The following DDX60 variants were observed in gnomAD, a reference collection of about 807,000 sequenced individuals.
The protein encoded by DDX60 is DExD/H-box helicase 60.
DDX60 carries 165 observed loss-of-function variants against 212.8 expected under a neutral mutation model. The observed-to-expected ratio is 0.78, with a 90% CI of 0.68 to 0.88. DDX60 has a LOEUF of 0.88. Among genes scored for constraint, DDX60 ranks in the 40% least tolerant of loss-of-function variants. The probability of loss-of-function intolerance (pLI) is 0.00; values close to 1 mark genes in which losing one functional copy is unlikely to be tolerated. For missense variants in DDX60, 1,905 were observed against 2,003.9 expected (o/e 0.95, Z 0.94); for synonymous variants, 703 against 685.3 (o/e 1.03, Z -0.40).
chr4:168,289,620 G>C (rs1350296130), intron 8 of DDX60, among the ~76,000 whole-genome samples: 4 of 152,070 alleles, frequency 2.6e-5, no homozygotes, highest in Middle Eastern at 3.4e-3. Context: ...TTGTTTACTA[G>C]ATATCTCCAT....
rs1030388809 is a variant in DDX60 at position 168,225,608 on chromosome 4, C to T, written c.4602G>A (p.Glu1534=). 3 of 1,611,296 alleles carry T rather than the reference C, an allele frequency of 1.9e-6. No individual in the cohort carries two copies. The highest frequency in any genetic ancestry group is 2.7e-5 in the African/African-American group (2 of 74,738). Residue 1534 remains glutamate (E), a synonymous_variant, in exon 34 of 38, where the codon GAG becomes GAA. Coordinates refer to ENST00000393743, the MANE Select transcript of DDX60 (RefSeq NM_017631.6). ...CAATTCGTAGGAAAGTGGTAAAGTCCTCCATAATTTTCATGTTATATTCAT... is the reference window on the plus strand; with the variant it reads ...CAATTCGTAGGAAAGTGGTAAAGTCTTCCATAATTTTCATGTTATATTCAT... ...ALDEYNMKIM[E]DFTTFLRIVS... is the part of the protein sequence containing the mutation.
chr4:168,277,200 T>C (rs1172479693), intron 14 of DDX60, among the ~76,000 whole-genome samples: 1 of 152,194 alleles, frequency 6.6e-6, no homozygotes, highest in Non-Finnish European at 1.5e-5. Flanking sequence ...CTATGGAAAT[T>C]ATAAAGTAGA....
chr4:168,277,540 T>C (rs555802254), intron 14 of DDX60, among the ~76,000 whole-genome samples: 1 of 152,228 alleles, frequency 6.6e-6, no homozygotes, highest in East Asian at 1.9e-4. Context: ...TTCAAAACTA[T>C]TAAATGAAAA....
chr4:168,273,283 C>G lies in DDX60; in HGVS notation c.2570G>C (p.Cys857Ser). The G allele has an allele frequency of 6.2e-7, 1 of 1,612,430 alleles. No homozygotes were observed. The highest frequency in any genetic ancestry group is 8.5e-7 in the Non-Finnish European group (1 of 1,179,216). ...TTATTAATTAAAATACCCTACCTGA[C>G]AGTTTAAGGCATCATGACGATACTC... The part of the protein sequence containing the change: ...TREYRHDALN[C>S]QVLITVPACF... The change falls in exon 18 of 38, where the codon TGT becomes TCT. Residue 857 changes from cysteine to serine, a missense_variant. By Grantham distance (112) the Cys-to-Ser change is moderately radical (BLOSUM62 -1). Transcript: ENST00000393743.
intron 37 of DDX60, among the ~76,000 whole-genome samples, chr4:168,218,345 T>C (rs185149434): frequency 5.3e-5 from 8 of 152,310 alleles, no homozygotes; most frequent in Non-Finnish European, 1.2e-4. Flanking sequence ...TTGTTTCCTA[T>C]ACATCCTTAA....
At chr4:168,285,871 G>A (rs1735807746) in intron 10 of DDX60, among the ~76,000 whole-genome samples, 1 of 140,602 alleles carries the variant, frequency 7.1e-6, no homozygotes, top group African/African-American at 2.7e-5. Context: ...GTAGGTAGAT[G>A]GGAAGAAGAA....
At chr4:168,234,704 T>C (rs770347195) in intron 33 of DDX60, among the ~76,000 whole-genome samples, 1 of 152,128 alleles carries the variant, frequency 6.6e-6, no homozygotes, top group Non-Finnish European at 1.5e-5. Context: ...CATATGTTCA[T>C]GCTTACTCAC....
In DDX60 at chr4:168,216,921, T is replaced by C. The variant is rs765887495; in HGVS notation, c.*12A>G. ...TGGAATTATTTTTAAGTGGTTTGCA[T>C]AGACTTTGTTTTTAGACTTTGTTTA... On this transcript the variant is annotated 3_prime_UTR_variant, in exon 38 of 38. Coordinates refer to ENST00000393743, the MANE Select transcript of DDX60 (RefSeq NM_017631.6). The C allele has an allele frequency of 4.5e-6, 7 of 1,560,144 alleles. No individual in the cohort carries two copies. In the African/African-American group the frequency reaches 6.9e-5, roughly 15 times the overall value.
Position 168,237,313 on chromosome 4 carries a change from G to A in DDX60, c.4384C>T (p.His1462Tyr). Residue 1462 changes from histidine to tyrosine, a missense_variant, in exon 32 of 38, where the codon CAT becomes TAT. Transcript: ENST00000393743. ...FVSFLVNGLF[H>Y]DLCQPTRKGS... Reference sequence around the variant, plus strand: ...TTCCTGGTTGGCTGACAGAGATCATGGAAGAGTCCATTTACAAGAAAACTG... The same window carrying A: ...TTCCTGGTTGGCTGACAGAGATCATAGAAGAGTCCATTTACAAGAAAACTG... The A allele has an allele frequency of 1.3e-6, 2 of 1,581,816 alleles. No homozygotes were observed. The highest frequency in any genetic ancestry group is 1.7e-6 in the Non-Finnish European group (2 of 1,164,582).
At position 168,285,374 on chromosome 4, in the gene DDX60, A is replaced by G. The variant is rs752011183; in HGVS notation, c.1445+19T>C. On this transcript the variant is annotated intron_variant, in intron 11 of 37. Coordinates refer to ENST00000393743, the MANE Select transcript of DDX60 (RefSeq NM_017631.6). ...ATTCCACACAAGTATTTATTGAGGC[A>G]CAGTTTTTGGCCTTATACCTCTTTA... 1.1e-5 allele frequency: 16 copies of G among 1,424,624 alleles called. No homozygotes were observed. The highest frequency in any genetic ancestry group is 1.3e-5 in the Non-Finnish European group (13 of 1,015,796). The allele number at this position is 1,424,624 out of a possible 1,614,324, so 88.2% of individuals were successfully genotyped here. A position where few individuals can be genotyped will look rare whatever the true frequency, so the allele number is the denominator to read the frequency against.
At position 168,298,208 on chromosome 4, in the gene DDX60, TAAC is replaced by T. The variant is rs1438839372; in HGVS notation, c.723+4089_723+4091del. On this transcript the variant is annotated intron_variant, in intron 6 of 37. Transcript: ENST00000393743. ...AGAATACACATATCGTAAAGAAACTTAACAAACACACCAGAATACAAATGCCTA... is the reference window on the plus strand; with the variant it reads ...AGAATACACATATCGTAAAGAAACTTAAACACACCAGAATACAAATGCCTA... Among the ~76,000 whole-genome samples, 4 of 151,918 alleles carry T rather than the reference TAAC, an allele frequency of 2.6e-5. No homozygotes were observed. The East Asian group carries it at 7.7e-4, about 29-fold the overall frequency.
rs1038362118 is a variant in DDX60, at chr4:168,287,064, T to A, written c.1323A>T (p.Lys441Asn). 46 of 1,604,918 alleles carry A rather than the reference T, an allele frequency of 2.9e-5. No individual in the cohort carries two copies. The highest frequency in any genetic ancestry group is 3.7e-5 in the Non-Finnish European group (43 of 1,177,922). Reference sequence around the variant, plus strand: ...ATTTATTACCTTTGATTGGTGATGGTTTCTTTTCAAGAAAACAAACTTTTG... The same window carrying A: ...ATTTATTACCTTTGATTGGTGATGGATTCTTTTCAAGAAAACAAACTTTTG... ...RTTKVCFLEK[K>N]PSPIKDSSNE... The change falls in exon 10 of 38, where the codon AAA becomes AAT. Residue 441 changes from lysine (K) to asparagine (N), a missense_variant. Lys to Asn is a moderately conservative substitution (Grantham distance 94). Transcript: ENST00000393743.
intron 11 of DDX60, 74 bp from the exon 12 acceptor site, chr4:168,285,009 TG>T (rs1735759284): frequency 5.2e-6 from 4 of 771,672 alleles, no homozygotes; most frequent in Non-Finnish European, 2.0e-6. Flanking sequence ...TATTTTATAA[TG>T]TTTTTGAAAA....
At chr4:168,253,438 C>T (rs1734292660) in intron 26 of DDX60, among the ~76,000 whole-genome samples, 1 of 152,090 alleles carries the variant, frequency 6.6e-6, no homozygotes, top group Admixed American at 6.6e-5. Context: ...CTAAGGCTCT[C>T]AGCTGCACCA....
chr4:168,285,176 T>G (rs1314068564), intron 11 of DDX60, among the ~76,000 whole-genome samples: 1 of 152,210 alleles, frequency 6.6e-6, no homozygotes, highest in Non-Finnish European at 1.5e-5. Context: ...ATTTAAAATA[T>G]GCAGCTGTAG....
chr4:168,232,242 T>A (rs894155725), intron 33 of DDX60, among the ~76,000 whole-genome samples: 1 of 151,934 alleles, frequency 6.6e-6, no homozygotes, highest in African/African-American at 2.4e-5. Context: ...GAAACACATA[T>A]CATGCTCATG....
At chr4:168,227,899 ATAT>A (rs1396014237) in intron 33 of DDX60, among the ~76,000 whole-genome samples, 3 of 152,116 alleles carry the variant, frequency 2.0e-5, no homozygotes, top group African/African-American at 7.2e-5. Flanking sequence ...TACCTGGCAT[ATAT>A]TTTTAATCAT....
chr4:168,252,773 C>T (rs1734265927), intron 26 of DDX60, 117 bp from the exon 27 acceptor site: 1 of 643,370 alleles, frequency 1.6e-6, no homozygotes, highest in Non-Finnish European at 2.6e-6. Context: ...CTCACCCAGA[C>T]TTCCACGGCT....
chr4:168,251,138 T>G (rs1376535267), intron 27 of DDX60, 32 bp from the exon 28 acceptor site: 2 of 1,554,760 alleles, frequency 1.3e-6, no homozygotes, highest in Admixed American at 3.9e-5. Context: ...GGGATTATGA[T>G]TTAATTTTAA....
Sources: allele counts gnomAD v4.1 joint callset (sites outside exome capture counted in the v4.1 genomes callset), GRCh38; gene constraint gnomAD v4.1.1; transcripts MANE v1.5; gene names NCBI Gene and HGNC (gene_info 2026-07-23, HGNC 2026-07-21).